PTPRD: variants seen among roughly 807,000 people sequenced by gnomAD.
PTPRD encodes protein tyrosine phosphatase receptor type D.
In PTPRD, 34 loss-of-function variants were observed where a neutral mutation model predicts 214.5. The observed-to-expected ratio is 0.16, with a 90% CI of 0.12 to 0.21. PTPRD has a LOEUF of 0.21. Ranked by LOEUF, PTPRD falls within the 10% of genes least tolerant of loss-of-function variation. PTPRD has a pLI of 1.00. For synonymous variants in PTPRD, 1,128 were observed against 845.7 expected (o/e 1.33, Z -5.79); for missense variants, 2,545 against 2,398.7 (o/e 1.06, Z -1.27).
chr9:9,804,500 A>C (rs2099061116), intron 5 of PTPRD, among the ~76,000 whole-genome samples: 1 of 152,168 alleles, frequency 6.6e-6, no homozygotes, highest in South Asian at 2.1e-4. Context: ...CAACATTATA[A>C]ATTTTCAACC....
At chr9:10,546,997 C>A (rs1020856015) in intron 2 of PTPRD, among the ~76,000 whole-genome samples, 1 of 152,066 alleles carries the variant, frequency 6.6e-6, no homozygotes, top group African/African-American at 2.4e-5. Flanking sequence ...TTAATGGAGG[C>A]AGGTCATCTG....
chr9:8,331,850 A>G (rs1841536095), intron 43 of PTPRD, 114 bp from the exon 44 acceptor site: 1 of 1,276,242 alleles, frequency 7.8e-7, no homozygotes, highest in Non-Finnish European at 1.1e-6. Context: ...AAGGGTAGAA[A>G]AAGTTAGGAA....
intron 5 of PTPRD, among the ~76,000 whole-genome samples, chr9:9,896,042 T>C (rs1451198123): frequency 1.3e-5 from 2 of 152,008 alleles, no homozygotes; most frequent in Admixed American, 6.6e-5. Flanking sequence ...CTACAAAGCT[T>C]AGGGCCCATC....
intron 2 of PTPRD, among the ~76,000 whole-genome samples, chr9:10,600,912 A>G (rs1441213200): frequency 6.6e-6 from 1 of 151,832 alleles, no homozygotes; most frequent in Admixed American, 6.6e-5. Context: ...TCTCCAACAG[A>G]GAAAAGGCAA....
chr9:8,675,700 G>A (rs2097396170), intron 12 of PTPRD, among the ~76,000 whole-genome samples: 1 of 151,928 alleles, frequency 6.6e-6, no homozygotes, highest in Non-Finnish European at 1.5e-5. Context: ...ATCATCTCAC[G>A]TCGCCTTCAA....
At chr9:9,846,764 T>C (rs972882942) in intron 5 of PTPRD, among the ~76,000 whole-genome samples, 2 of 152,146 alleles carry the variant, frequency 1.3e-5, no homozygotes, top group African/African-American at 4.8e-5. Context: ...TGACACTGCT[T>C]GGACAGCATA....
chr9:9,835,637 T>G lies in PTPRD; in HGVS notation c.-367-68786A>C, dbSNP rs184155457. 1.1e-3 allele frequency among the ~76,000 whole-genome samples: 174 copies of G among 152,176 alleles called. 1 individual carries two copies. The Middle Eastern group carries it at 0.017, about 15-fold the overall frequency. On this transcript the variant is annotated intron_variant, in intron 5 of 45. Transcript: ENST00000381196. The stretch of plus-strand genomic sequence containing the variant: ...TGGCCTGCACTGGAATTTGACAGAG[T>G]CTGAGTATGAAAATACCTAATGACA...
At chr9:9,925,350 A>T (rs2083899277) in intron 5 of PTPRD, among the ~76,000 whole-genome samples, 1 of 152,070 alleles carries the variant, frequency 6.6e-6, no homozygotes, top group South Asian at 2.1e-4. Flanking sequence ...ATATAGTCAA[A>T]GTTGAGTTTT....
intron 8 of PTPRD, among the ~76,000 whole-genome samples, chr9:9,427,997 G>A (rs994409044): frequency 1.3e-5 from 2 of 152,150 alleles, no homozygotes; most frequent in Non-Finnish European, 2.9e-5. Flanking sequence ...GGAAGAAACT[G>A]AATCAACTAA....
At chr9:10,343,544 A>G (rs1002365052) in intron 2 of PTPRD, among the ~76,000 whole-genome samples, 1 of 152,148 alleles carries the variant, frequency 6.6e-6, no homozygotes, top group Non-Finnish European at 1.5e-5. Context: ...GTCCTTGAGG[A>G]ATCGCCACAA....
chr9:9,592,039 T>C (rs955467554), intron 7 of PTPRD, among the ~76,000 whole-genome samples: 3 of 152,088 alleles, frequency 2.0e-5, no homozygotes, highest in Non-Finnish European at 4.4e-5. Flanking sequence ...TTATGTCTGA[T>C]AACTTTAAAT....
chr9:8,786,093 C>G (rs574103853), intron 11 of PTPRD, among the ~76,000 whole-genome samples: 36 of 151,264 alleles, frequency 2.4e-4, no homozygotes, highest in Non-Finnish European at 4.6e-4. Context: ...TTGTTCACCG[C>G]TAGTGGCAAT....
At chr9:9,372,358 A>C (rs191612327) in intron 9 of PTPRD, among the ~76,000 whole-genome samples, 154 of 151,954 alleles carry the variant, frequency 1.0e-3, no homozygotes, top group Non-Finnish European at 1.3e-3. Context: ...ATCCCTTTAC[A>C]ATTATGTAAT....
chr9:9,519,051 C>T (rs1303725702), intron 8 of PTPRD, among the ~76,000 whole-genome samples: 1 of 151,528 alleles, frequency 6.6e-6, no homozygotes, highest in African/African-American at 2.4e-5. Context: ...TATAAATAGA[C>T]CAAAAACAAT....
At chr9:10,145,676 C>G (rs1294078823) in intron 3 of PTPRD, among the ~76,000 whole-genome samples, 2 of 151,528 alleles carry the variant, frequency 1.3e-5, no homozygotes, top group Non-Finnish European at 2.9e-5. Flanking sequence ...GGATTGGTAC[C>G]ATTAACCTCT....
intron 33 of PTPRD, among the ~76,000 whole-genome samples, chr9:8,452,051 G>C (rs757783334): frequency 5.3e-5 from 8 of 152,164 alleles, no homozygotes; most frequent in Non-Finnish European, 1.0e-4. Flanking sequence ...GCAAAGATGT[G>C]AGTCTCAGAA....
chr9:9,286,822 C>T (rs1206202595), intron 9 of PTPRD, among the ~76,000 whole-genome samples: 15 of 134,524 alleles, frequency 1.1e-4, no homozygotes, highest in Admixed American at 1.1e-3. Flanking sequence ...AAATGATGCT[C>T]AAAAAATGAA....
chr9:9,482,121 TAC>T (rs1057043058), intron 8 of PTPRD, among the ~76,000 whole-genome samples: 2 of 151,778 alleles, frequency 1.3e-5, no homozygotes, highest in African/African-American at 4.8e-5. Flanking sequence ...GATCAAGAGG[TAC>T]AGACAGGTGG....
intron 6 of PTPRD, among the ~76,000 whole-genome samples, chr9:9,742,732 G>A (rs2154456552): frequency 6.6e-6 from 1 of 152,110 alleles, no homozygotes; most frequent in East Asian, 1.9e-4. Flanking sequence ...AGACCTTAGT[G>A]TTTCCACTTA....
Sources: gnomAD v4.1 joint callset for allele counts (sites outside exome capture counted in the v4.1 genomes callset) on GRCh38, gnomAD v4.1.1 for gene constraint, MANE v1.5 for transcripts, NCBI Gene and HGNC (gene_info 2026-07-23, HGNC 2026-07-21) for gene names.